NFIA: variants seen among roughly 807,000 people sequenced by gnomAD.
The protein encoded by NFIA is nuclear factor I A, also known as nuclear factor 1 A-type.
In NFIA, 8 loss-of-function variants were observed where a neutral mutation model predicts 62.8. The ratio of observed to expected loss-of-function variants is 0.13; its 90% CI spans 0.07 to 0.23. NFIA has a LOEUF of 0.23. Among genes scored for constraint, NFIA ranks in the 10% least tolerant of loss-of-function variants. The pLI is 1.00. For missense variants in NFIA, 410 were observed against 642.1 expected (o/e 0.64, Z 3.91); for synonymous variants, 235 against 238.1 (o/e 0.99, Z 0.12).
intron 2 of NFIA, among the ~76,000 whole-genome samples, chr1:61,164,509 G>C (rs1444498321): frequency 6.6e-6 from 1 of 151,978 alleles, no homozygotes; most frequent in Non-Finnish European, 1.5e-5. Context: ...GCCCAGGCTG[G>C]AGTGCAGTGG....
At chr1:61,444,392 A>G (rs1378053290) in intron 10 of NFIA, among the ~76,000 whole-genome samples, 1 of 152,218 alleles carries the variant, frequency 6.6e-6, no homozygotes, top group East Asian at 1.9e-4. Flanking sequence ...TGAGTCTGAA[A>G]TGCCTGAGAA....
At chr1:61,142,936 C>A (rs1248911793) in intron 2 of NFIA, among the ~76,000 whole-genome samples, 1 of 152,112 alleles carries the variant, frequency 6.6e-6, no homozygotes, top group African/African-American at 2.4e-5. Flanking sequence ...CGAGGAGAAC[C>A]GCTTGTGTGG....
At chr1:61,355,530 C>A (rs1271422387) in intron 5 of NFIA, among the ~76,000 whole-genome samples, 2 of 152,106 alleles carry the variant, frequency 1.3e-5, no homozygotes, top group African/African-American at 4.8e-5. Context: ...CCTGTGCTTC[C>A]TAACTTGCTT....
intron 3 of NFIA, among the ~76,000 whole-genome samples, chr1:61,324,514 CAA>C (rs1660831496): frequency 6.6e-6 from 1 of 152,134 alleles, no homozygotes; most frequent in Non-Finnish European, 1.5e-5. Context: ...GCAGAGAAAA[CAA>C]AAATACCATC....
chr1:61,144,637 G>A (rs1168787525), intron 2 of NFIA, among the ~76,000 whole-genome samples: 1 of 152,142 alleles, frequency 6.6e-6, no homozygotes, highest in African/African-American at 2.4e-5. Context: ...TCTTCATTGT[G>A]CAAATGAGGT....
Position 61,254,150 on chromosome 1 carries a change from A to G in NFIA, c.560-23370A>G, listed in dbSNP as rs192034498. ...TTTGTGGCACTGAAAATGAGATTGC[A>G]ATTCCCAGAGTACTGGGATAGTTCA... is the stretch of plus-strand genomic sequence containing the variant. On this transcript the variant is annotated intron_variant, in intron 2 of 10. Coordinates refer to ENST00000403491, the MANE Select transcript of NFIA (RefSeq NM_001134673.4). Among the ~76,000 whole-genome samples, 28 of 152,318 alleles carry G rather than the reference A, an allele frequency of 1.8e-4. 1 individual carries two copies. Among genetic ancestry groups the G allele is most frequent in the East Asian group, 7.7e-4 (4 of 5,184 alleles).
chr1:61,314,193 C>T (rs1660253697), intron 3 of NFIA, among the ~76,000 whole-genome samples: 1 of 152,126 alleles, frequency 6.6e-6, no homozygotes, highest in African/African-American at 2.4e-5. Flanking sequence ...CTTCCCTAGC[C>T]CTTTCACTAG....
intron 3 of NFIA, among the ~76,000 whole-genome samples, chr1:61,287,791 A>T (rs1454432638): frequency 6.6e-6 from 1 of 152,208 alleles, no homozygotes; most frequent in Admixed American, 6.5e-5. Context: ...TTTGTATTTT[A>T]TCTGGCAACC....
intron 3 of NFIA, among the ~76,000 whole-genome samples, chr1:61,296,241 T>A (rs1218492615): frequency 6.6e-6 from 1 of 152,218 alleles, no homozygotes; most frequent in African/African-American, 2.4e-5. Flanking sequence ...TAAGAAATCT[T>A]TTGACTCTGT....
At chr1:61,235,147 T>C (rs1306801292) in intron 2 of NFIA, among the ~76,000 whole-genome samples, 2 of 152,202 alleles carry the variant, frequency 1.3e-5, no homozygotes, top group Non-Finnish European at 2.9e-5. Flanking sequence ...ATGAAACTAC[T>C]ACATCACAGG....
intron 2 of NFIA, among the ~76,000 whole-genome samples, chr1:61,169,963 T>C (rs1196947683): frequency 6.6e-6 from 1 of 152,222 alleles, no homozygotes; most frequent in Non-Finnish European, 1.5e-5. Context: ...TATTTGCCAT[T>C]ATATTGTGAT....
intron 2 of NFIA, among the ~76,000 whole-genome samples, chr1:61,247,611 A>C (rs549802317): frequency 6.6e-6 from 1 of 152,136 alleles, no homozygotes; most frequent in East Asian, 1.9e-4. Flanking sequence ...AGAAAGTAGC[A>C]TTATGTGTGA....
rs1248112301 is a variant in NFIA, at chr1:61,455,287, T to C, written c.1513-16T>C. 1 of 1,613,340 alleles carries C rather than the reference T, an allele frequency of 6.2e-7. No individual in the cohort carries two copies. ...CAAATTGTGATTTTAATTGTATTTT[T>C]CCTTTTGTCTTCCAGTCCTGGTACC... On this transcript the variant is annotated splice_polypyrimidine_tract_variant and intron_variant, in intron 10 of 10. Transcript: ENST00000403491.
chr1:61,156,606 C>T (rs995022716), intron 2 of NFIA, among the ~76,000 whole-genome samples: 3 of 152,204 alleles, frequency 2.0e-5, no homozygotes, highest in African/African-American at 7.2e-5. Context: ...GTTATCCCAT[C>T]AGTAAGACAT....
chr1:61,160,648 T>A (rs538918726), intron 2 of NFIA, among the ~76,000 whole-genome samples: 2 of 152,318 alleles, frequency 1.3e-5, no homozygotes, highest in Admixed American at 6.5e-5. Context: ...AGATTATAAT[T>A]GCATTGACTT....
At chr1:61,240,539 A>C (rs1002161154) in intron 2 of NFIA, among the ~76,000 whole-genome samples, 2 of 151,954 alleles carry the variant, frequency 1.3e-5, no homozygotes, top group African/African-American at 4.8e-5. Flanking sequence ...TTTAATCGTA[A>C]ATATTCCCCC....
chr1:61,274,468 T>C (rs1306936049), intron 2 of NFIA, among the ~76,000 whole-genome samples: 3 of 152,200 alleles, frequency 2.0e-5, no homozygotes, highest in Non-Finnish European at 2.9e-5. Flanking sequence ...CATTGTAATA[T>C]ACAGATCTTC....
At chr1:61,131,857 G>A (rs141885340) in intron 2 of NFIA, among the ~76,000 whole-genome samples, 1 of 152,058 alleles carries the variant, frequency 6.6e-6, no homozygotes, top group Non-Finnish European at 1.5e-5. Context: ...TGAAGCCTGG[G>A]AAAGCTCTGT....
upstream of NFIA, chr1:61,077,375 C>T: frequency 8.0e-6 from 3 of 376,248 alleles, no homozygotes; most frequent in Non-Finnish European, 1.4e-5. Context: ...AGCGAGCGAG[C>T]GAGCGAGAGC....
Sources: gnomAD v4.1 joint callset for allele counts (sites outside exome capture counted in the v4.1 genomes callset) on GRCh38, gnomAD v4.1.1 for gene constraint, MANE v1.5 for transcripts, NCBI Gene and HGNC (gene_info 2026-07-23, HGNC 2026-07-21) for gene names.